The following CNGB3 variants were observed in gnomAD, a reference collection of about 807,000 sequenced individuals.
CNGB3 encodes the protein cyclic nucleotide gated channel subunit beta 3.
In CNGB3, 86 loss-of-function variants were observed where a neutral mutation model predicts 92.8. The observed-to-expected ratio is 0.93, with a 90% CI of 0.78 to 1.11. The LOEUF (loss-of-function observed/expected upper bound fraction) is 1.11. CNGB3 is among the 50% of genes least tolerant of loss of function. CNGB3 has a pLI of 0.00. For missense variants in CNGB3, 1,026 were observed against 956.8 expected (o/e 1.07, Z -0.95); for synonymous variants, 333 against 332.7 (o/e 1.00, Z -0.01).
intron 14 of CNGB3, among the ~76,000 whole-genome samples, chr8:86,606,757 A>C (rs181002118): frequency 1.5e-3 from 230 of 152,266 alleles, no homozygotes; most frequent in South Asian, 3.3e-3. Flanking sequence ...TTATTTAACA[A>C]TTGGCAGTCG....
chr8:86,684,371 C>G lies in CNGB3; in HGVS notation c.339-13273G>C, dbSNP rs541984011. ...AAATGCTGGCAAGCCTGGGAAGAAA[C>G]TGGATCACTCATACACTGCTGCTTG... On this transcript the variant is annotated intron_variant, in intron 3 of 17. Coordinates refer to ENST00000320005, the MANE Select transcript of CNGB3 (RefSeq NM_019098.5). 2.0e-5 allele frequency among the ~76,000 whole-genome samples: 3 copies of G among 152,158 alleles called. No individual in the cohort carries two copies. The South Asian group carries it at 6.2e-4, about 32-fold the overall frequency.
At position 86,715,832 on chromosome 8, in the gene CNGB3, G is replaced by A. The variant is rs180793263; in HGVS notation, c.338+10699C>T. On this transcript the variant is annotated intron_variant, in intron 3 of 17. Transcript: ENST00000320005. ...ACACACTGGGGCCTGTCGTGGGGTG[G>A]GGGGAGGGGGGAGGGATAGCATTAA... Among the ~76,000 whole-genome samples the A allele has an allele frequency of 3.8e-3, 431 of 114,146 alleles. 4 individuals carry two copies. Among genetic ancestry groups the A allele is most frequent in the Middle Eastern group, 0.037 (5 of 134 alleles). The allele number at this position is 114,146 out of a possible 152,430, so 74.9% of individuals were successfully genotyped here. A position where few individuals can be genotyped will look rare whatever the true frequency, so the allele number is the denominator to read the frequency against.
intron 6 of CNGB3, chr8:86,661,065 GTTC>G (rs1311822956): frequency 1.8e-5 from 4 of 228,302 alleles, no homozygotes; most frequent in African/African-American, 9.4e-5. Flanking sequence ...TTTGGCCTTG[GTTC>G]TTCATTCGTT....
chr8:86,627,669 C>T (rs1822874541), intron 12 of CNGB3, among the ~76,000 whole-genome samples: 1 of 152,182 alleles, frequency 6.6e-6, no homozygotes, highest in Non-Finnish European at 1.5e-5. Context: ...TTTTATATCC[C>T]TCAGTAACAA....
chr8:86,681,514 G>A (rs181962379), intron 3 of CNGB3, among the ~76,000 whole-genome samples: 46 of 152,144 alleles, frequency 3.0e-4, no homozygotes, highest in African/African-American at 9.6e-4. Context: ...AATTCCCAAA[G>A]GAGAGAACAG....
chr8:86,711,805 G>T (rs1236045240), intron 3 of CNGB3, among the ~76,000 whole-genome samples: 1 of 138,798 alleles, frequency 7.2e-6, no homozygotes, highest in Non-Finnish European at 1.5e-5. Context: ...GGCTCTAGCA[G>T]GTAGTTTACC....
chr8:86,743,157 A>T (rs1218350988), intron 1 of CNGB3, among the ~76,000 whole-genome samples: 1 of 152,164 alleles, frequency 6.6e-6, no homozygotes, highest in Non-Finnish European at 1.5e-5. Context: ...GTTTATGAAG[A>T]CCAGGATACT....
chr8:86,681,117 A>G (rs1199845344), intron 3 of CNGB3, among the ~76,000 whole-genome samples: 1 of 152,192 alleles, frequency 6.6e-6, no homozygotes, highest in Admixed American at 6.5e-5. Context: ...AGCACTGAAG[A>G]AAACAAATTT....
chr8:86,584,362 G>A (rs542025118), intron 15 of CNGB3, among the ~76,000 whole-genome samples: 1 of 152,322 alleles, frequency 6.6e-6, no homozygotes, highest in South Asian at 2.1e-4. Context: ...ATTTGAACCT[G>A]AGAATATCTG....
chr8:86,713,969 C>A (rs1824798651), intron 3 of CNGB3, among the ~76,000 whole-genome samples: 1 of 152,148 alleles, frequency 6.6e-6, no homozygotes. Flanking sequence ...TTATCAACAT[C>A]CCCCAAGAGA....
At chr8:86,674,647 CT>C (rs1823928411) in intron 3 of CNGB3, among the ~76,000 whole-genome samples, 3 of 152,196 alleles carry the variant, frequency 2.0e-5, no homozygotes, top group Admixed American at 1.3e-4. Context: ...CATCTGAGCT[CT>C]GTTTGCTATT....
chr8:86,728,241 G>A (rs548735519), intron 2 of CNGB3, among the ~76,000 whole-genome samples: 3 of 152,214 alleles, frequency 2.0e-5, no homozygotes, highest in African/African-American at 7.2e-5. Flanking sequence ...CTTGAAGCCT[G>A]CGTATAAAGA....
chr8:86,606,851 ACT>A (rs1362959296), intron 14 of CNGB3, among the ~76,000 whole-genome samples: 5 of 152,288 alleles, frequency 3.3e-5, no homozygotes, highest in African/African-American at 1.2e-4. Flanking sequence ...ATGTCATCTG[ACT>A]CTATATAATA....
chr8:86,694,394 C>A (rs183543567), intron 3 of CNGB3, among the ~76,000 whole-genome samples: 1 of 146,906 alleles, frequency 6.8e-6, no homozygotes, highest in African/African-American at 2.5e-5. Context: ...GCTGGCCTGG[C>A]GGGGGCTGAC....
intron 3 of CNGB3, among the ~76,000 whole-genome samples, chr8:86,697,107 T>C (rs315968): frequency 0.88 from 133,646 of 152,138 alleles, 58,870 homozygotes; most frequent in East Asian, 1. Flanking sequence ...ACTGGCAAGA[T>C]GAAGTCCTTA....
intron 3 of CNGB3, among the ~76,000 whole-genome samples, chr8:86,709,670 T>C (rs553539776): frequency 6.6e-6 from 1 of 152,190 alleles, no homozygotes; most frequent in Admixed American, 6.5e-5. Flanking sequence ...CAACAAACTG[T>C]CCTGATACTG....
chr8:86,663,654 CA>C (rs1221889517), intron 6 of CNGB3, among the ~76,000 whole-genome samples: 2 of 152,084 alleles, frequency 1.3e-5, no homozygotes, highest in East Asian at 3.9e-4. Flanking sequence ...GTGGTGTTAC[CA>C]ATGGTAGCAT....
intron 15 of CNGB3, among the ~76,000 whole-genome samples, chr8:86,580,192 G>A (rs1037488478): frequency 2.8e-5 from 4 of 143,782 alleles, no homozygotes; most frequent in Non-Finnish European, 6.0e-5. Flanking sequence ...GAATAGCACG[G>A]GGGGGGTGGC....
rs1019064332 is a variant in CNGB3, at chr8:86,628,941, T to G, written c.1458A>C (p.Thr486=). 1.2e-6 allele frequency: 2 copies of G among 1,613,798 alleles called. No individual in the cohort carries two copies. Among genetic ancestry groups the G allele is most frequent in the Admixed American group, 1.7e-5 (1 of 59,950 alleles). ...QKRVRTWYEY[T]WDSQRMLDES... ...TACCTAGCATTCTTTGAGAGTCCCA[T>G]GTATATTCATACCAAGTCCGAACTC... Residue 486 remains threonine, a synonymous_variant, in exon 12 of 18, where the codon ACA becomes ACC. Coordinates refer to ENST00000320005, the MANE Select transcript of CNGB3 (RefSeq NM_019098.5).
Sources: allele counts gnomAD v4.1 joint callset (sites outside exome capture counted in the v4.1 genomes callset), GRCh38; gene constraint gnomAD v4.1.1; transcripts MANE v1.5; gene names NCBI Gene and HGNC (gene_info 2026-07-23, HGNC 2026-07-21).